The following SAMD4A variants were observed in gnomAD, a reference collection of about 807,000 sequenced individuals.
SAMD4A encodes the protein sterile alpha motif domain containing 4A.
In SAMD4A, 33 loss-of-function variants were observed where a neutral mutation model predicts 81.3. The ratio of observed to expected loss-of-function variants is 0.41; its 90% CI spans 0.31 to 0.54. The LOEUF is 0.54. SAMD4A is among the 20% of genes least tolerant of loss of function. The probability of loss-of-function intolerance (pLI) is 0.37; values close to 1 mark genes in which losing one functional copy is unlikely to be tolerated. For missense variants in SAMD4A, 854 were observed against 951.1 expected (o/e 0.90, Z 1.34); for synonymous variants, 389 against 382.1 (o/e 1.02, Z -0.21).
intron 8 of SAMD4A, among the ~76,000 whole-genome samples, chr14:54,769,897 C>T (rs898908727): frequency 2.0e-5 from 3 of 152,128 alleles, no homozygotes; most frequent in African/African-American, 7.2e-5. Flanking sequence ...GATGCGTGTA[C>T]CTTATCACGC....
rs986260504 is a variant in SAMD4A, at chr14:54,776,359, C to T, written c.1918-55C>T. Reference sequence around the variant, plus strand: ...TCCCAAATTCTTGCTGGCGGCTCTGCTCTCCACCCCAGTGGGGCTGAACTA... The same window carrying T: ...TCCCAAATTCTTGCTGGCGGCTCTGTTCTCCACCCCAGTGGGGCTGAACTA... On this transcript the variant is annotated intron_variant, in intron 10 of 12. Coordinates refer to ENST00000554335, the MANE Select transcript of SAMD4A (RefSeq NM_015589.6). The T allele has an allele frequency of 2.0e-6, 3 of 1,536,794 alleles. No homozygotes were observed. The Admixed American group carries it at 6.8e-5, about 35-fold the overall frequency.
At chr14:54,730,001 A>G (rs10483638) in intron 3 of SAMD4A, among the ~76,000 whole-genome samples, 4,476 of 152,356 alleles carry the variant, frequency 0.029, 95 homozygotes, top group Middle Eastern at 0.099. Flanking sequence ...TTGCCATTAT[A>G]GAGGCTGACA....
chr14:54,577,176 A>G (rs1249322883), intron 2 of SAMD4A, among the ~76,000 whole-genome samples: 2 of 152,256 alleles, frequency 1.3e-5, no homozygotes, highest in African/African-American at 2.4e-5. Flanking sequence ...TGAGGTAGGC[A>G]TGTATCCATT....
Position 54,788,892 on chromosome 14 carries a change from A to G in SAMD4A, c.2129-24A>G, listed in dbSNP as rs753160840. The G allele has an allele frequency of 2.4e-5, 39 of 1,614,046 alleles. No homozygotes were observed. The South Asian group carries it at 3.6e-4, about 15-fold the overall frequency. On this transcript the variant is annotated intron_variant, in intron 12 of 12. Transcript: ENST00000554335. The stretch of plus-strand genomic sequence containing the variant: ...TGGATTGTTTTGCTCACCTGTGCCC[A>G]TCGTTTGCTGCTTTCTCTCCCAGAC...
At chr14:54,730,168 T>C (rs1385007009) in intron 3 of SAMD4A, among the ~76,000 whole-genome samples, 1 of 152,082 alleles carries the variant, frequency 6.6e-6, no homozygotes, top group Non-Finnish European at 1.5e-5. Flanking sequence ...ATCTGTAGAG[T>C]AGTAAGAGCT....
chr14:54,770,254 A>C (rs370104690), intron 9 of SAMD4A, 32 bp downstream of exon 9: 18 of 1,458,110 alleles, frequency 1.2e-5, no homozygotes, highest in Non-Finnish European at 1.5e-5. Context: ...TGTAATGCGT[A>C]GTGGTTCCCC....
intron 2 of SAMD4A, among the ~76,000 whole-genome samples, chr14:54,635,886 G>C (rs1277944435): frequency 6.6e-6 from 1 of 152,168 alleles, no homozygotes; most frequent in East Asian, 1.9e-4. Flanking sequence ...TCCAGAAATA[G>C]TTATCAAGCA....
chr14:54,589,443 C>T (rs998901780), intron 2 of SAMD4A, among the ~76,000 whole-genome samples: 4 of 152,060 alleles, frequency 2.6e-5, no homozygotes, highest in African/African-American at 9.7e-5. Context: ...ACCATTCTGC[C>T]TCAAGTTTAT....
intron 9 of SAMD4A, among the ~76,000 whole-genome samples, chr14:54,772,558 C>T (rs2038733817): frequency 6.6e-6 from 1 of 152,212 alleles, no homozygotes; most frequent in African/African-American, 2.4e-5. Context: ...CTATAAGTAT[C>T]CCATAACAGA....
intron 2 of SAMD4A, among the ~76,000 whole-genome samples, chr14:54,602,352 ACACACACACACACACACACACACG>A (rs1421562936): frequency 8.0e-6 from 1 of 125,454 alleles, no homozygotes; most frequent in Admixed American, 7.5e-5. Context: ...ACACACACAC[ACACACACACACACACACACACACG>A]AAACACCAGG....
chr14:54,680,335 T>G (rs2036098917), intron 2 of SAMD4A, among the ~76,000 whole-genome samples: 1 of 152,342 alleles, frequency 6.6e-6, no homozygotes, highest in African/African-American at 2.4e-5. Flanking sequence ...TGCCACTCAT[T>G]TTTTAACACA....
At chr14:54,601,747 T>C (rs772642484) in intron 2 of SAMD4A, among the ~76,000 whole-genome samples, 17 of 152,196 alleles carry the variant, frequency 1.1e-4, no homozygotes, top group Non-Finnish European at 2.4e-4. Flanking sequence ...TATTTGAATC[T>C]TGTGTCTGTG....
chr14:54,746,506 A>G (rs1239193927), intron 4 of SAMD4A, among the ~76,000 whole-genome samples: 1 of 152,236 alleles, frequency 6.6e-6, no homozygotes, highest in Non-Finnish European at 1.5e-5. Context: ...TCCTCTAACC[A>G]GGGCAATTCT....
At chr14:54,730,140 C>G (rs2037524780) in intron 3 of SAMD4A, among the ~76,000 whole-genome samples, 1 of 152,204 alleles carries the variant, frequency 6.6e-6, no homozygotes, top group Non-Finnish European at 1.5e-5. Flanking sequence ...CATCTTTGCT[C>G]TGCCCAAAAA....
intron 4 of SAMD4A, 114 bp from the exon 5 acceptor site, chr14:54,748,701 T>C (rs1206732125): frequency 1.4e-6 from 1 of 700,792 alleles, no homozygotes; most frequent in Non-Finnish European, 2.4e-6. Flanking sequence ...TACTTTTTCT[T>C]TTTTTTTCCT....
chr14:54,699,014 C>T (rs1273047468), intron 2 of SAMD4A, among the ~76,000 whole-genome samples: 2 of 151,798 alleles, frequency 1.3e-5, no homozygotes, highest in African/African-American at 2.4e-5. Flanking sequence ...GGGAGTTCCT[C>T]AGCCTCATGA....
At chr14:54,782,328 GGTTT>G (rs1377201306) in intron 11 of SAMD4A, among the ~76,000 whole-genome samples, 7 of 151,390 alleles carry the variant, frequency 4.6e-5, no homozygotes, top group African/African-American at 1.2e-4. Flanking sequence ...TAATTGCTGA[GGTTT>G]GTTTTTTTTT....
chr14:54,654,498 A>T (rs530571992), intron 2 of SAMD4A, among the ~76,000 whole-genome samples: 72 of 152,220 alleles, frequency 4.7e-4, no homozygotes, highest in African/African-American at 1.5e-3. Flanking sequence ...CTAACCATTT[A>T]AAAAAAATTG....
At chr14:54,726,121 C>G (rs1039991750) in intron 3 of SAMD4A, among the ~76,000 whole-genome samples, 15 of 151,988 alleles carry the variant, frequency 9.9e-5, no homozygotes, top group African/African-American at 3.4e-4. Flanking sequence ...GTTGGTTATG[C>G]TCTCACCAGC....
Sources: gnomAD v4.1 joint callset for allele counts (sites outside exome capture counted in the v4.1 genomes callset) on GRCh38, gnomAD v4.1.1 for gene constraint, MANE v1.5 for transcripts, NCBI Gene and HGNC (gene_info 2026-07-23, HGNC 2026-07-21) for gene names.